Variants in PRPSAP1 observed in about 807,000 individuals in gnomAD.
The protein encoded by PRPSAP1 is phosphoribosyl pyrophosphate synthase-associated protein 1.
Under a neutral mutation model 39.4 loss-of-function variants are expected in PRPSAP1, and 31 were observed. The ratio of observed to expected loss-of-function variants is 0.79; its 90% confidence interval spans 0.59 to 1.06. The LOEUF is 1.06. Among genes scored for constraint, PRPSAP1 ranks in the 50% least tolerant of loss-of-function variants. The pLI, the probability that PRPSAP1 is intolerant of heterozygous loss-of-function variation, is 0.00. For synonymous variants in PRPSAP1, 212 were observed against 192.6 expected, an observed-to-expected ratio of 1.10 and a Z score of -0.83; for missense variants, 430 against 511.6, an observed-to-expected ratio of 0.84 and a Z score of 1.54.
At position 76,311,588 on chromosome 17, in the gene PRPSAP1, C is replaced by A. The variant is rs1398620560; in HGVS notation, c.1112G>T (p.Gly371Val). ...TCGGAAAAGGTAGGCCATGGACTCT[C>A]CATTGTGGATTCTCCGAATGGCTTC... ...LSEAIRRIHN[G>V]ESMAYLFRNI... Residue 371 changes from glycine (G) to valine (V), a missense_variant, in exon 10 of 10, where the codon GGA (glycine) becomes GTA (valine). Gly to Val is a moderately radical substitution (Grantham distance 109). Around this residue, in one of 2 missense-constraint regions of PRPSAP1, gnomAD observed 278 missense variants for 376.3 expected, o/e 0.74. Transcript: ENST00000446526. 2 of 1,614,200 alleles carry A rather than the reference C, an allele frequency of 1.2e-6. No homozygotes were observed. Among genetic ancestry groups the A allele is most frequent in the East Asian group, 2.2e-5 (1 of 44,886 alleles).
Position 76,311,030 on chromosome 17 carries a change from T to G in PRPSAP1, c.*512A>C, listed in dbSNP as rs143389763. The stretch of plus-strand genomic sequence containing the variant: ...GACATCCTTGGAAGATGTAACAACA[T>G]GAATGCTTCATTTTTCAATGGCTGT... On this transcript the variant is annotated 3_prime_UTR_variant, in exon 10 of 10. Transcript: ENST00000446526. 2.0e-5 allele frequency: 3 copies of G among 152,250 alleles called. No individual in the cohort carries two copies. The highest frequency in any genetic ancestry group is 4.4e-5 in the Non-Finnish European group (3 of 68,076). The allele number at this position is 152,250 out of a possible 1,614,324, so 9.4% of individuals were successfully genotyped here.
intron 7 of PRPSAP1, 120 bp from the exon 8 acceptor site, chr17:76,314,011 A>C: frequency 9.6e-7 from 1 of 1,036,542 alleles, no homozygotes; most frequent in African/African-American, 1.6e-5. Context: ...AAACAAACAA[A>C]CCATGCAAAT....
upstream of PRPSAP1, chr17:76,353,921 C>T: frequency 3.8e-6 from 5 of 1,321,654 alleles, no homozygotes; most frequent in South Asian, 6.3e-5. Flanking sequence ...AGAGGCAAGG[C>T]CACCGCCCCC....
rs1044836651 is a variant in PRPSAP1, at chr17:76,348,510, A to T, written c.223+19T>A. 2 of 1,386,172 alleles carry T rather than the reference A, an allele frequency of 1.4e-6. No homozygotes were observed. Among genetic ancestry groups the T allele is most frequent in the African/African-American group, 3.0e-5 (2 of 65,640 alleles). 85.9% of individuals were successfully genotyped at this position (1,386,172 alleles called of 1,614,324 possible). A position where few individuals can be genotyped will look rare whatever the true frequency, so the allele number is the denominator to read the frequency against. On this transcript the variant is annotated intron_variant, in intron 2 of 9. Transcript: ENST00000446526. ...TAAATAAAAAATAATTTTAAAAAAAAGAAATAATTTTAACTTACCTCCATT... is the reference window on the plus strand; with the variant it reads ...TAAATAAAAAATAATTTTAAAAAAATGAAATAATTTTAACTTACCTCCATT...
intron 1 of PRPSAP1, among the ~76,000 whole-genome samples, chr17:76,349,653 C>T (rs1423503629): frequency 2.0e-5 from 3 of 147,970 alleles, no homozygotes; most frequent in Admixed American, 1.4e-4. Context: ...CCCAGCTACT[C>T]AGGAGGCTGA....
chr17:76,342,749 A>G (rs1296985644), intron 3 of PRPSAP1, among the ~76,000 whole-genome samples: 1 of 151,532 alleles, frequency 6.6e-6, no homozygotes, highest in Non-Finnish European at 1.5e-5. Flanking sequence ...AAAGTCAAAT[A>G]AAGGCCATGA....
intron 7 of PRPSAP1, 153 bp downstream of exon 7, chr17:76,328,564 A>G (rs184096128): frequency 9.4e-6 from 9 of 960,742 alleles, no homozygotes; most frequent in African/African-American, 8.3e-5. Context: ...AGCCAAGATC[A>G]CGCCACTGCA....
rs117130650 is a variant in PRPSAP1, at chr17:76,320,341, G to A, written c.782-6450C>T. On this transcript the variant is annotated intron_variant, in intron 7 of 9. Transcript: ENST00000446526. Reference sequence around the variant, plus strand: ...GAAGGGAAGAAGGGAGGGAGGGAGGGAGGAAGGAAGGAAGAAAAAGGAAGA... The same window carrying A: ...GAAGGGAAGAAGGGAGGGAGGGAGGAAGGAAGGAAGGAAGAAAAAGGAAGA... 7.2e-4 allele frequency among the ~76,000 whole-genome samples: 49 copies of A among 68,460 alleles called. 1 individual carries two copies. The highest frequency in any genetic ancestry group is 4.5e-3 in the East Asian group (10 of 2,240). The allele number at this position is 68,460 out of a possible 152,430, so 44.9% of individuals were successfully genotyped here.
intron 7 of PRPSAP1, among the ~76,000 whole-genome samples, chr17:76,322,435 C>T (rs1394085882): frequency 6.6e-6 from 1 of 152,120 alleles, no homozygotes; most frequent in South Asian, 2.1e-4. Flanking sequence ...TTCGACAGCT[C>T]TGATGGAGAT....
In PRPSAP1 at chr17:76,353,915, G is replaced by T. The variant is rs138956690; in HGVS notation, c.-212C>A. The T allele has an allele frequency of 2.4e-4, 324 of 1,328,890 alleles. 1 individual carries two copies. Among genetic ancestry groups the T allele is most frequent in the Non-Finnish European group, 2.8e-4 (296 of 1,045,340 alleles). 82.3% of individuals were successfully genotyped at this position (1,328,890 alleles called of 1,614,324 possible). Reference sequence around the variant, plus strand: ...CGGCGCCGCCGCCTCAGAGCCAGAGGCAAGGCCACCGCCCCCTCCGGGCAT... The same window carrying T: ...CGGCGCCGCCGCCTCAGAGCCAGAGTCAAGGCCACCGCCCCCTCCGGGCAT... On this transcript the variant is annotated 5_prime_UTR_variant, in exon 1 of 10. Coordinates refer to ENST00000446526, the MANE Select transcript of PRPSAP1 (RefSeq NM_002766.3).
chr17:76,344,562 C>A (rs2071475534), intron 3 of PRPSAP1, 109 bp downstream of exon 3: 2 of 1,019,568 alleles, frequency 2.0e-6, no homozygotes, highest in Admixed American at 4.8e-5. Flanking sequence ...ACACGCCCGG[C>A]CTGAATATAT....
chr17:76,343,072 G>A (rs966546426), intron 3 of PRPSAP1, among the ~76,000 whole-genome samples: 4 of 152,138 alleles, frequency 2.6e-5, no homozygotes, highest in Non-Finnish European at 4.4e-5. Context: ...GTGAGACTCC[G>A]TCTCAAAAAA....
intron 1 of PRPSAP1, among the ~76,000 whole-genome samples, chr17:76,352,381 G>A (rs1316108328): frequency 1.3e-5 from 2 of 152,108 alleles, no homozygotes; most frequent in Non-Finnish European, 1.5e-5. Context: ...CGCGGTGGCT[G>A]AAGCCTGTAA....
chr17:76,321,051 G>A (rs1220153850), intron 7 of PRPSAP1, among the ~76,000 whole-genome samples: 3 of 151,854 alleles, frequency 2.0e-5, no homozygotes, highest in East Asian at 3.9e-4. Context: ...CCAAAGTGTT[G>A]GGACTACAGG....
chr17:76,337,760 C>CA (rs749613082), intron 3 of PRPSAP1, among the ~76,000 whole-genome samples: 5 of 152,182 alleles, frequency 3.3e-5, no homozygotes, highest in Non-Finnish European at 5.9e-5. Context: ...CACCTGCCAC[C>CA]ATGCCTGGTT....
intron 3 of PRPSAP1, among the ~76,000 whole-genome samples, chr17:76,337,957 G>C (rs2071396682): frequency 6.6e-6 from 1 of 152,006 alleles, no homozygotes; most frequent in Non-Finnish European, 1.5e-5. Flanking sequence ...ACTAGAACTT[G>C]TACATAAACA....
At chr17:76,327,160 C>T (rs1402140946) in intron 7 of PRPSAP1, among the ~76,000 whole-genome samples, 1 of 149,384 alleles carries the variant, frequency 6.7e-6, no homozygotes, top group Non-Finnish European at 1.5e-5. Context: ...CCAGCCTGAC[C>T]AACATGGTAA....
intron 5 of PRPSAP1, 178 bp downstream of exon 5, chr17:76,330,373 A>G (rs2071307834): frequency 1.6e-6 from 1 of 612,752 alleles, no homozygotes; most frequent in Non-Finnish European, 2.8e-6. Flanking sequence ...ATCTGTTTTT[A>G]GTGTCTTTTA....
At chr17:76,322,397 A>C (rs1457937325) in intron 7 of PRPSAP1, among the ~76,000 whole-genome samples, 4 of 152,216 alleles carry the variant, frequency 2.6e-5, no homozygotes, top group Non-Finnish European at 5.9e-5. Flanking sequence ...CTCCATCTCA[A>C]AAAAATATAT....
Sources: allele counts gnomAD v4.1 joint callset (sites outside exome capture counted in the v4.1 genomes callset), GRCh38; gene constraint gnomAD v4.1.1; regional missense constraint gnomAD v4.1.1; transcripts MANE v1.5; gene names NCBI Gene and HGNC (gene_info 2026-07-23, HGNC 2026-07-21).